The following POLK variants were observed in gnomAD, a reference collection of about 807,000 sequenced individuals.
POLK encodes the protein DNA polymerase kappa, also known as polymerase (DNA directed) kappa.
A neutral mutation model predicts 94.0 loss-of-function variants in POLK; 76 were observed. The ratio of observed to expected loss-of-function variants is 0.81; its 90% confidence interval spans 0.67 to 0.98. The LOEUF (loss-of-function observed/expected upper bound fraction) is 0.98, where lower values mean the gene tolerates loss of function less well. POLK is among the 50% of genes least tolerant of loss of function. The probability of loss-of-function intolerance (pLI) is 0.00; values close to 1 mark genes in which losing one functional copy is unlikely to be tolerated. For missense variants in POLK, 954 were observed against 1,010.1 expected (o/e 0.94, Z 0.75); for synonymous variants, 349 against 325.4 (o/e 1.07, Z -0.78).
At chr5:75,605,635 A>G (rs572046803), downstream of POLK, among the ~76,000 whole-genome samples, 12 of 152,292 alleles carry the variant, frequency 7.9e-5, no homozygotes, top group South Asian at 2.5e-3. Context: ...TTTCTGCCAT[A>G]TTATTAGAAT....
rs567905174 is a variant in POLK, at chr5:75,552,924, G to A, written c.255+333G>A. Among the ~76,000 whole-genome samples, 14 of 152,160 alleles carry A rather than the reference G, an allele frequency of 9.2e-5. No individual in the cohort carries two copies. In the East Asian group the frequency reaches 1.7e-3, roughly 19 times the overall value. ...CTATGTTCTTTTTATTGTATACATC[G>A]CAGCTAGAAAAGGCCACGGGATAAA... is the stretch of plus-strand genomic sequence containing the variant. On this transcript the variant is annotated intron_variant, in intron 3 of 14. Coordinates refer to ENST00000241436, the Ensembl canonical transcript of POLK.
chr5:75,588,201 C>A (rs1480904540), intron 10 of POLK, among the ~76,000 whole-genome samples: 1 of 152,046 alleles, frequency 6.6e-6, no homozygotes, highest in Admixed American at 6.6e-5. Flanking sequence ...AATGTGTTCT[C>A]CACTTTTTTT....
rs757687573 is a variant in POLK at position 75,539,067 on chromosome 5, C to T, written c.-13-7943C>T. ...GATTACAGGCATGAGCCACCGTGCC[C>T]GGCCGTTTAAGTGTATTTTTATAGC... On this transcript the variant is annotated intron_variant, in intron 1 of 14. Transcript: ENST00000241436. Among the ~76,000 whole-genome samples, 159 of 152,246 alleles carry T rather than the reference C, an allele frequency of 1.0e-3. 1 individual carries two copies. The highest frequency in any genetic ancestry group is 1.4e-3 in the Non-Finnish European group (92 of 68,022).
chr5:75,544,480 A>G (rs1769908603), intron 1 of POLK, among the ~76,000 whole-genome samples: 1 of 152,140 alleles, frequency 6.6e-6, no homozygotes, highest in Non-Finnish European at 1.5e-5. Flanking sequence ...CATCTTTACT[A>G]AAAATACAAA....
intron 1 of POLK, among the ~76,000 whole-genome samples, chr5:75,544,995 G>T (rs1021289216): frequency 6.6e-6 from 1 of 152,112 alleles, no homozygotes; most frequent in Non-Finnish European, 1.5e-5. Context: ...AATTACCTGG[G>T]CATCTCTTTA....
At chr5:75,523,966 C>A (rs997356537) in intron 1 of POLK, among the ~76,000 whole-genome samples, 1 of 151,950 alleles carries the variant, frequency 6.6e-6, no homozygotes, top group South Asian at 2.1e-4. Context: ...CTCGTCTCTA[C>A]TAAAAATGCA....
intron 10 of POLK, among the ~76,000 whole-genome samples, chr5:75,588,800 C>A (rs1042454928): frequency 6.6e-6 from 1 of 152,184 alleles, no homozygotes; most frequent in African/African-American, 2.4e-5. Context: ...GCCTCAGCAA[C>A]TTCTTTCTCT....
chr5:75,600,751 T>C (rs907191408), exon 15 of POLK: 1 of 152,246 alleles, frequency 6.6e-6, no homozygotes, highest in African/African-American at 2.4e-5. Context: ...AACCACAACA[T>C]AGATGAATAT....
chr5:75,573,681 A>G (rs1771718879), intron 4 of POLK, 57 bp from the exon 5 acceptor site: 1 of 1,417,374 alleles, frequency 7.1e-7, no homozygotes, highest in Non-Finnish European at 1.0e-6. Flanking sequence ...GAATGCATTG[A>G]TCAATATGTC....
At chr5:75,568,437 G>A (rs1037019478) in intron 3 of POLK, among the ~76,000 whole-genome samples, 1 of 152,150 alleles carries the variant, frequency 6.6e-6, no homozygotes, top group African/African-American at 2.4e-5. Flanking sequence ...AGTGGAGGCC[G>A]GCCACAAAAA....
intron 3 of POLK, among the ~76,000 whole-genome samples, chr5:75,564,968 A>G (rs1372092534): frequency 1.3e-5 from 2 of 152,180 alleles, no homozygotes; most frequent in African/African-American, 4.8e-5. Flanking sequence ...AATATCCTGA[A>G]GAGTGTTTTC....
intron 1 of POLK, among the ~76,000 whole-genome samples, chr5:75,538,058 A>G (rs1043580123): frequency 2.6e-5 from 4 of 151,878 alleles, no homozygotes; most frequent in African/African-American, 4.8e-5. Context: ...GGGTTTCACC[A>G]TGTTAGCCAG....
At chr5:75,555,982 T>A (rs1490307694) in intron 3 of POLK, among the ~76,000 whole-genome samples, 1 of 152,244 alleles carries the variant, frequency 6.6e-6, no homozygotes, top group Non-Finnish European at 1.5e-5. Context: ...TGGCCAGGCT[T>A]ATGTGTAGAC....
At chr5:75,602,311 C>G (rs538757473), downstream of POLK, among the ~76,000 whole-genome samples, 1 of 152,172 alleles carries the variant, frequency 6.6e-6, no homozygotes, top group Non-Finnish European at 1.5e-5. Context: ...AGACATTCGC[C>G]ATGATTCATA....
At chr5:75,515,260 A>G (rs577905120) in intron 1 of POLK, among the ~76,000 whole-genome samples, 17 of 152,216 alleles carry the variant, frequency 1.1e-4, no homozygotes, top group Admixed American at 2.6e-4. Flanking sequence ...TGGTCATTTT[A>G]TGAATAGTCC....
intron 10 of POLK, among the ~76,000 whole-genome samples, chr5:75,588,374 AGAAAT>A (rs1229905072): frequency 6.6e-6 from 1 of 152,240 alleles, no homozygotes; most frequent in Non-Finnish European, 1.5e-5. Context: ...AGCCAACAGA[AGAAAT>A]GAACAAAGTT....
intron 4 of POLK, among the ~76,000 whole-genome samples, chr5:75,572,823 A>C (rs1771662668): frequency 6.6e-6 from 1 of 152,204 alleles, no homozygotes; most frequent in African/African-American, 2.4e-5. Context: ...ATACCATCTC[A>C]CACCAGTTAG....
At chr5:75,578,285 A>G (rs1046876722) in intron 6 of POLK, among the ~76,000 whole-genome samples, 4 of 152,208 alleles carry the variant, frequency 2.6e-5, no homozygotes, top group African/African-American at 9.6e-5. Context: ...ACTCCCAAGT[A>G]TCTGGGATTA....
chr5:75,580,048 A>G (rs2112813958), intron 6 of POLK, among the ~76,000 whole-genome samples: 1 of 151,882 alleles, frequency 6.6e-6, no homozygotes, highest in East Asian at 1.9e-4. Context: ...TTTGGAAAAC[A>G]TCTGACTGAA....
Sources: gnomAD v4.1 joint callset for allele counts (sites outside exome capture counted in the v4.1 genomes callset) on GRCh38, gnomAD v4.1.1 for gene constraint, MANE v1.5 for transcripts, NCBI Gene and HGNC (gene_info 2026-07-23, HGNC 2026-07-21) for gene names.